Variants in POC1A observed in about 807,000 individuals in gnomAD.
The protein encoded by POC1A is POC1 centriolar protein homolog A.
POC1A carries 34 observed loss-of-function variants against 47.8 expected under a neutral mutation model. The observed-to-expected ratio is 0.71, with a 90% CI of 0.54 to 0.95. The LOEUF (loss-of-function observed/expected upper bound fraction) is 0.95. Among genes scored for constraint, POC1A ranks in the 40% least tolerant of loss-of-function variants. POC1A has a pLI of 0.00. For missense variants in POC1A, 466 were observed against 528.3 expected (o/e 0.88, Z 1.16); for synonymous variants, 177 against 207.6 (o/e 0.85, Z 1.27).
chr3:52,134,710 T>C (rs1185545476), intron 7 of POC1A, among the ~76,000 whole-genome samples: 4 of 150,782 alleles, frequency 2.7e-5, no homozygotes, highest in African/African-American at 9.8e-5. Flanking sequence ...AGAAACTGCA[T>C]AGACACAGGT....
intron 10 of POC1A, among the ~76,000 whole-genome samples, chr3:52,078,894 A>G (rs969734711): frequency 1.5e-4 from 23 of 152,218 alleles, no homozygotes; most frequent in African/African-American, 5.5e-4. Flanking sequence ...TGGGCATCCA[A>G]GTGGCAAAGT....
intron 9 of POC1A, among the ~76,000 whole-genome samples, chr3:52,099,515 G>A (rs1458174911): frequency 1.3e-5 from 2 of 152,164 alleles, no homozygotes; most frequent in African/African-American, 4.8e-5. Context: ...GAGTCCTAGG[G>A]GTTTTGCCTG....
intron 7 of POC1A, among the ~76,000 whole-genome samples, chr3:52,128,513 T>C (rs775599555): frequency 6.6e-6 from 1 of 152,182 alleles, no homozygotes; most frequent in Non-Finnish European, 1.5e-5. Context: ...TCCAGGTACC[T>C]TCCACGAAGG....
At chr3:52,151,253 T>C in intron 1 of POC1A, 153 bp from the exon 2 acceptor site, 1 of 1,156,990 alleles carries the variant, frequency 8.6e-7, no homozygotes, top group Admixed American at 3.2e-5. Flanking sequence ...CCACTTAGGA[T>C]TAGTTTTTAC....
chr3:52,121,116 T>C (rs1703764612), intron 9 of POC1A, among the ~76,000 whole-genome samples: 4 of 152,204 alleles, frequency 2.6e-5, no homozygotes, highest in Admixed American at 6.5e-5. Flanking sequence ...TTGAGCAGTA[T>C]ATTTACCCAC....
chr3:52,144,157 G>A (rs1038680739), intron 6 of POC1A, among the ~76,000 whole-genome samples: 4 of 152,186 alleles, frequency 2.6e-5, no homozygotes, highest in Non-Finnish European at 5.9e-5. Context: ...CCTGACCACT[G>A]TCCTGCCTCG....
chr3:52,149,857 G>A lies in POC1A; in HGVS notation c.234C>T (p.Ser78=), dbSNP rs145976901. Reference sequence around the variant, plus strand: ...TGCGGACAGTCTTGTCTCGGGAGCCGGAAGCAAGCAGGTGTCCCGAAGGAG... The same window carrying A: ...TGCGGACAGTCTTGTCTCGGGAGCCAGAAGCAAGCAGGTGTCCCGAAGGAG... The part of the protein sequence containing the change: ...NFSPSGHLLA[S]GSRDKTVRIW... Residue 78 remains serine, a synonymous_variant, in exon 3 of 11, where the codon TCC becomes TCT. Coordinates refer to ENST00000296484, the MANE Select transcript of POC1A (RefSeq NM_015426.5). The A allele has an allele frequency of 2.2e-5, 35 of 1,613,830 alleles. No individual in the cohort carries two copies. The highest frequency in any genetic ancestry group is 5.3e-5 in the African/African-American group (4 of 74,934).
intron 5 of POC1A, among the ~76,000 whole-genome samples, 179 bp downstream of exon 5, chr3:52,146,809 C>T (rs990185987): frequency 1.3e-5 from 2 of 152,218 alleles, no homozygotes; most frequent in African/African-American, 4.8e-5. Flanking sequence ...TCCATCCACA[C>T]AGCAAAAGAT....
chr3:52,081,372 A>G (rs1559806927), intron 10 of POC1A, among the ~76,000 whole-genome samples: 1 of 151,784 alleles, frequency 6.6e-6, no homozygotes, highest in Non-Finnish European at 1.5e-5. Flanking sequence ...CTCACAAAGC[A>G]CCTCCCCAAC....
At chr3:52,105,474 C>T (rs976318766) in intron 9 of POC1A, among the ~76,000 whole-genome samples, 2 of 152,184 alleles carry the variant, frequency 1.3e-5, no homozygotes, top group Non-Finnish European at 2.9e-5. Flanking sequence ...CTAAACCTGC[C>T]CCTGGGGAGG....
At chr3:52,146,239 CA>C (rs879382558) in intron 5 of POC1A, among the ~76,000 whole-genome samples, 15 of 152,252 alleles carry the variant, frequency 9.9e-5, no homozygotes, top group Non-Finnish European at 1.8e-4. Flanking sequence ...TCTTCAAACC[CA>C]AAAGTTAGCC....
chr3:52,095,470 G>A (rs1162543583), intron 10 of POC1A, among the ~76,000 whole-genome samples: 2 of 152,194 alleles, frequency 1.3e-5, no homozygotes, highest in African/African-American at 4.8e-5. Context: ...GACATCAAGG[G>A]TCCTTTGCGT....
At chr3:52,100,001 T>A (rs181087702) in intron 9 of POC1A, among the ~76,000 whole-genome samples, 24 of 152,320 alleles carry the variant, frequency 1.6e-4, no homozygotes, top group African/African-American at 5.8e-4. Context: ...AAGAGATGGC[T>A]CTAACTTTGG....
At chr3:52,154,314 G>A in intron 1 of POC1A, 41 bp downstream of exon 1, 1 of 1,551,280 alleles carries the variant, frequency 6.4e-7, no homozygotes, top group Non-Finnish European at 8.7e-7. Flanking sequence ...TGTCCCAGCG[G>A]GGAGACTGAG....
chr3:52,145,547 G>C (rs1046931044), intron 6 of POC1A, among the ~76,000 whole-genome samples: 1 of 152,174 alleles, frequency 6.6e-6, no homozygotes, highest in African/African-American at 2.4e-5. Context: ...CCTGACCAGA[G>C]CCCCAGTGAG....
intron 7 of POC1A, among the ~76,000 whole-genome samples, chr3:52,126,721 G>A (rs1327693449): frequency 2.0e-5 from 3 of 152,230 alleles, no homozygotes; most frequent in African/African-American, 4.8e-5. Context: ...CCTTCTTGCT[G>A]AGTCATCCCA....
intron 6 of POC1A, among the ~76,000 whole-genome samples, chr3:52,139,258 A>T (rs1197036252): frequency 6.6e-6 from 1 of 152,170 alleles, no homozygotes; most frequent in African/African-American, 2.4e-5. Flanking sequence ...GAGCCATCCA[A>T]TGCCAACATG....
At chr3:52,148,151 T>C (rs1044776766) in intron 4 of POC1A, among the ~76,000 whole-genome samples, 12 of 152,140 alleles carry the variant, frequency 7.9e-5, no homozygotes, top group Admixed American at 5.2e-4. Flanking sequence ...GTCCTCCGAG[T>C]CTACATTTGA....
At chr3:52,083,744 C>T (rs944517408) in intron 10 of POC1A, among the ~76,000 whole-genome samples, 7 of 152,202 alleles carry the variant, frequency 4.6e-5, no homozygotes, top group Admixed American at 2.0e-4. Context: ...GCCCCTGCCA[C>T]GGCTCACCTG....
Sources: gnomAD v4.1 joint callset for allele counts (sites outside exome capture counted in the v4.1 genomes callset) on GRCh38, gnomAD v4.1.1 for gene constraint, MANE v1.5 for transcripts, NCBI Gene and HGNC (gene_info 2026-07-23, HGNC 2026-07-21) for gene names.